The following CEP41 variants were observed in gnomAD, a reference collection of about 807,000 sequenced individuals.
The protein encoded by CEP41 is centrosomal protein 41, also known as centrosomal protein of 41 kDa.
In CEP41, 32 loss-of-function variants were observed where a neutral mutation model predicts 44.3. The observed-to-expected ratio is 0.72, with a 90% CI of 0.54 to 0.97. The LOEUF (loss-of-function observed/expected upper bound fraction) is 0.97, where lower values mean the gene tolerates loss of function less well. CEP41 is among the 50% of genes least tolerant of loss of function. CEP41 has a pLI of 0.00. For missense variants in CEP41, 432 were observed against 455.2 expected (o/e 0.95, Z 0.46); for synonymous variants, 151 against 168.5 (o/e 0.90, Z 0.80).
At chr7:130,421,734 T>C (rs1198638750) in intron 2 of CEP41, 3 of 1,190,204 alleles carry the variant, frequency 2.5e-6, no homozygotes, top group Non-Finnish European at 2.1e-6. Flanking sequence ...GCTAAAGAAA[T>C]TGGAAATTAG....
At position 130,396,315 on chromosome 7, in the gene CEP41, C is replaced by T. The variant is rs1796656173; in HGVS notation, c.*2576G>A. The stretch of plus-strand genomic sequence containing the variant: ...CAGTTGTTGAAGGTGGCTTCAGTCC[C>T]AGCCTGAGCAGGAAAAGAAATCCAG... On this transcript the variant is annotated 3_prime_UTR_variant, in exon 11 of 11. Transcript: ENST00000223208. The T allele has an allele frequency of 2.2e-6, 1 of 453,980 alleles. No individual in the cohort carries two copies. Among genetic ancestry groups the T allele is most frequent in the African/African-American group, 2.0e-5 (1 of 49,988 alleles). The allele number at this position is 453,980 out of a possible 1,614,324, so 28.1% of individuals were successfully genotyped here. A position where few individuals can be genotyped will look rare whatever the true frequency, so the allele number is the denominator to read the frequency against.
chr7:130,419,241 C>G, intron 2 of CEP41: 2 of 985,302 alleles, frequency 2.0e-6, no homozygotes, highest in Non-Finnish European at 2.4e-6. Context: ...GTTCTTTTCA[C>G]TATAGACATT....
Position 130,397,901 on chromosome 7 carries a change from T to C in CEP41, c.*990A>G, listed in dbSNP as rs1796717209. 2 of 453,818 alleles carry C rather than the reference T, an allele frequency of 4.4e-6. No individual in the cohort carries two copies. The allele number at this position is 453,818 out of a possible 1,614,324, so 28.1% of individuals were successfully genotyped here. On this transcript the variant is annotated 3_prime_UTR_variant, in exon 11 of 11. Coordinates refer to ENST00000223208, the MANE Select transcript of CEP41 (RefSeq NM_018718.3). The stretch of plus-strand genomic sequence containing the variant: ...AAAAGTAAGCAGGAAATTGCACTAA[T>C]TACTCAATTAGACTAATACTGTATT...
intron 1 of CEP41, among the ~76,000 whole-genome samples, chr7:130,431,137 T>C (rs1398182278): frequency 3.3e-5 from 5 of 152,254 alleles, no homozygotes; most frequent in African/African-American, 1.2e-4. Context: ...AAACTATTTG[T>C]GCTCCACTGC....
At chr7:130,432,758 T>TAA (rs1393797329) in intron 1 of CEP41, among the ~76,000 whole-genome samples, 4 of 150,362 alleles carry the variant, frequency 2.7e-5, no homozygotes, top group African/African-American at 9.8e-5. Context: ...ACACTCTCAC[T>TAA]AAAAAAAAAC....
At chr7:130,429,706 G>A (rs559775014) in intron 1 of CEP41, among the ~76,000 whole-genome samples, 43 of 152,296 alleles carry the variant, frequency 2.8e-4, no homozygotes, top group African/African-American at 1.0e-3. Flanking sequence ...ACTACTCCTT[G>A]GGCAAAATGT....
rs565965512 is a variant in CEP41, at chr7:130,394,430, A to G, written c.*4461T>C. 7 of 454,094 alleles carry G rather than the reference A, an allele frequency of 1.5e-5. No homozygotes were observed. The highest frequency in any genetic ancestry group is 9.3e-5 in the South Asian group (6 of 64,476). 28.1% of individuals were successfully genotyped at this position (454,094 alleles called of 1,614,324 possible). A position where few individuals can be genotyped will look rare whatever the true frequency, so the allele number is the denominator to read the frequency against. Reference sequence around the variant, plus strand: ...TCCACAAACATTGGCTAGTATTATTATTTTCTGGAAATCTTCAAGATTTGA... The same window carrying G: ...TCCACAAACATTGGCTAGTATTATTGTTTTCTGGAAATCTTCAAGATTTGA... On this transcript the variant is annotated 3_prime_UTR_variant, in exon 11 of 11. Coordinates refer to ENST00000223208, the MANE Select transcript of CEP41 (RefSeq NM_018718.3).
chr7:130,419,846 C>T, intron 2 of CEP41: 1 of 985,338 alleles, frequency 1.0e-6, no homozygotes, highest in South Asian at 4.7e-5. Context: ...CCTTTCCCTC[C>T]TCTGAGCCTC....
chr7:130,440,607 T>G, intron 1 of CEP41: 1 of 531,618 alleles, frequency 1.9e-6, no homozygotes, highest in East Asian at 3.3e-5. Flanking sequence ...GTGCAGCGCT[T>G]CCTTTGTCTT....
chr7:130,413,960 T>C (rs1797260915), intron 3 of CEP41, among the ~76,000 whole-genome samples: 1 of 152,188 alleles, frequency 6.6e-6, no homozygotes, highest in Admixed American at 6.5e-5. Flanking sequence ...CTTCACAGCA[T>C]AAATGTCTCA....
At chr7:130,422,540 C>A (rs1376739501) in intron 2 of CEP41, among the ~76,000 whole-genome samples, 2 of 152,168 alleles carry the variant, frequency 1.3e-5, no homozygotes, top group Non-Finnish European at 2.9e-5. Context: ...AATGCATAGG[C>A]TGCTGCACAC....
intron 3 of CEP41, among the ~76,000 whole-genome samples, chr7:130,414,535 G>A (rs1309379286): frequency 1.3e-5 from 2 of 152,156 alleles, no homozygotes; most frequent in East Asian, 1.9e-4. Context: ...AGCATAAAAT[G>A]TATACTTTAA....
chr7:130,441,203 T>C (rs1402525844), upstream of CEP41: 1 of 648,880 alleles, frequency 1.5e-6, no homozygotes, highest in Admixed American at 2.1e-5. Context: ...CGAGGCCTTT[T>C]GTTCTCTGGG....
intron 1 of CEP41, among the ~76,000 whole-genome samples, chr7:130,438,029 G>A (rs545545229): frequency 2.0e-5 from 3 of 152,036 alleles, no homozygotes; most frequent in South Asian, 4.2e-4. Context: ...ATAACCACAC[G>A]GAACATACTT....
chr7:130,431,078 T>C (rs1360078227), intron 1 of CEP41, among the ~76,000 whole-genome samples: 1 of 152,174 alleles, frequency 6.6e-6, no homozygotes, highest in African/African-American at 2.4e-5. Flanking sequence ...TGTGTTCCCA[T>C]TGCAGTCCAA....
intron 2 of CEP41, among the ~76,000 whole-genome samples, chr7:130,418,464 C>G (rs1797402155): frequency 6.6e-6 from 1 of 152,206 alleles, no homozygotes; most frequent in Admixed American, 6.5e-5. Flanking sequence ...GACGGCAAAT[C>G]AGTATGCTGT....
chr7:130,416,782 G>C, intron 3 of CEP41, 137 bp downstream of exon 3: 1 of 759,914 alleles, frequency 1.3e-6, no homozygotes, highest in Non-Finnish European at 2.4e-6. Context: ...CACAGCCCTT[G>C]AGGCACCTGC....
intron 5 of CEP41, among the ~76,000 whole-genome samples, chr7:130,406,073 T>C (rs1237477526): frequency 6.6e-6 from 1 of 151,932 alleles, no homozygotes; most frequent in Non-Finnish European, 1.5e-5. Flanking sequence ...GTTATGTATG[T>C]TTGTAATGGG....
Position 130,396,223 on chromosome 7 carries a change from CAG to C in CEP41, c.*2666_*2667del. ...TACATCGATGAAGCACCTTCTGTCT[CAG>C]GGTTCACAAGCCCCAGACAAGGGCA... On this transcript the variant is annotated 3_prime_UTR_variant, in exon 11 of 11. Transcript: ENST00000223208. The C allele has an allele frequency of 2.2e-6, 1 of 454,102 alleles. No homozygotes were observed. The highest frequency in any genetic ancestry group is 4.4e-6 in the Non-Finnish European group (1 of 226,788). The allele number at this position is 454,102 out of a possible 1,614,324, so 28.1% of individuals were successfully genotyped here.
Sources: allele counts gnomAD v4.1 joint callset (sites outside exome capture counted in the v4.1 genomes callset), GRCh38; gene constraint gnomAD v4.1.1; transcripts MANE v1.5; gene names NCBI Gene and HGNC (gene_info 2026-07-23, HGNC 2026-07-21).